Variants in OR3A2 observed in about 807,000 individuals in gnomAD.
The protein encoded by OR3A2 is olfactory receptor family 3 subfamily A member 2.
For synonymous variants in OR3A2, 126 were observed against 159.3 expected (o/e 0.79, Z 1.57); for missense variants, 318 against 392.8 (o/e 0.81, Z 1.61).
Position 3,306,694 on chromosome 17 carries a change from A to AAAAC in OR3A2, c.-84-27542_-84-27541insGTTT, listed in dbSNP as rs1429072041. Among the ~76,000 whole-genome samples the AAAAC allele has an allele frequency of 9.3e-5, 11 of 118,244 alleles. 1 individual carries two copies. The highest frequency in any genetic ancestry group is 5.3e-4 in the Admixed American group (6 of 11,266). 77.6% of individuals were successfully genotyped at this position (118,244 alleles called of 152,430 possible). A position where few individuals can be genotyped will look rare whatever the true frequency, so the allele number is the denominator to read the frequency against. On this transcript the variant is annotated intron_variant, in intron 3 of 4. Transcript: ENST00000573491. ...TACTACTCTTCAAAAAAAAAAAAAA[A>AAAAC]ACCGTAACCCCTTTTATTTTCTCCA...
At chr17:3,325,977 T>A (rs954389351) in intron 3 of OR3A2, among the ~76,000 whole-genome samples, 2 of 152,046 alleles carry the variant, frequency 1.3e-5, no homozygotes, top group Non-Finnish European at 2.9e-5. Flanking sequence ...TGTGTGTTGT[T>A]TCCCCGAATG....
At chr17:3,332,146 C>T (rs2049240980) in intron 3 of OR3A2, among the ~76,000 whole-genome samples, 1 of 152,230 alleles carries the variant, frequency 6.6e-6, no homozygotes, top group Admixed American at 6.5e-5. Context: ...TTTAAGTCTG[C>T]AGAGGTTACT....
intron 3 of OR3A2, among the ~76,000 whole-genome samples, chr17:3,304,873 T>C (rs1239739085): frequency 6.6e-6 from 1 of 152,180 alleles, no homozygotes; most frequent in East Asian, 1.9e-4. Flanking sequence ...ATAAAATCCA[T>C]TATGTTGAGT....
At position 3,326,792 on chromosome 17, in the gene OR3A2, G is replaced by C. The variant is rs577979671; in HGVS notation, c.-85+9241C>G. Among the ~76,000 whole-genome samples, 702 of 140,828 alleles carry C rather than the reference G, an allele frequency of 5.0e-3. 11 individuals carry two copies. Among genetic ancestry groups the C allele is most frequent in the South Asian group, 0.048 (201 of 4,218 alleles). 92.4% of individuals were successfully genotyped at this position (140,828 alleles called of 152,430 possible). ...TTGTTCAATTCCCACCTATGAGTGA[G>C]AATATGCAGTGTTTGGTTTTTTGTT... On this transcript the variant is annotated intron_variant, in intron 3 of 4. Coordinates refer to the OR3A2 transcript ENST00000573491.
chr17:3,360,894 G>A (rs1004535273), intron 2 of OR3A2, among the ~76,000 whole-genome samples: 2 of 151,584 alleles, frequency 1.3e-5, no homozygotes, highest in African/African-American at 2.4e-5. Context: ...TTAACTTGGC[G>A]ATCTGGGCTC....
chr17:3,375,638 AGCTAGTGTG>A (rs2049676975), intron 2 of OR3A2, among the ~76,000 whole-genome samples: 1 of 152,082 alleles, frequency 6.6e-6, no homozygotes, highest in African/African-American at 2.4e-5. Context: ...ATTGCTGGAA[AGCTAGTGTG>A]ATCTTTTGGG....
intron 2 of OR3A2, among the ~76,000 whole-genome samples, chr17:3,348,415 G>A (rs1263001777): frequency 6.6e-6 from 1 of 152,110 alleles, no homozygotes; most frequent in Admixed American, 6.6e-5. Context: ...CGATCAACTG[G>A]AAGAAAGGGT....
chr17:3,278,230 G>T (rs373734930), exon 2 of OR3A2: 1 of 1,614,202 alleles, frequency 6.2e-7, no homozygotes, highest in Non-Finnish European at 8.5e-7. Flanking sequence ...GAACGGATTC[G>T]TAGAACTGCA....
intron 3 of OR3A2, among the ~76,000 whole-genome samples, chr17:3,296,318 T>A (rs1344235766): frequency 6.6e-6 from 1 of 152,058 alleles, no homozygotes. Context: ...GCAGCACATT[T>A]TAAAAAATGG....
upstream of OR3A2, among the ~76,000 whole-genome samples, chr17:3,286,750 C>T (rs538290816): frequency 4.3e-3 from 659 of 151,966 alleles, 2 homozygotes; most frequent in African/African-American, 0.015. Flanking sequence ...TCATATCCTT[C>T]GCTCACTTTT....
downstream of OR3A2, among the ~76,000 whole-genome samples, chr17:3,276,371 T>C (rs1162366512): frequency 6.6e-6 from 1 of 152,152 alleles, no homozygotes; most frequent in Non-Finnish European, 1.5e-5. Flanking sequence ...ATATCATATA[T>C]ACAGGAAATC....
At chr17:3,342,521 C>T (rs930670349) in intron 2 of OR3A2, among the ~76,000 whole-genome samples, 1 of 152,192 alleles carries the variant, frequency 6.6e-6, no homozygotes, top group Admixed American at 6.5e-5. Flanking sequence ...TGTCAGGTCC[C>T]TCAGCTGCAG....
At chr17:3,300,671 T>A (rs12953256) in intron 3 of OR3A2, among the ~76,000 whole-genome samples, 71,238 of 151,976 alleles carry the variant, frequency 0.47, 18,155 homozygotes, top group East Asian at 0.96. Context: ...GATGAAAATA[T>A]TGAGCAACAA....
chr17:3,332,579 C>A (rs554143104), intron 3 of OR3A2, among the ~76,000 whole-genome samples: 2 of 152,352 alleles, frequency 1.3e-5, no homozygotes, highest in East Asian at 3.9e-4. Context: ...TGTGCACACC[C>A]ACTGACCTGC....
intron 2 of OR3A2, among the ~76,000 whole-genome samples, chr17:3,372,847 A>AGGAGAG (rs762420106): frequency 0.019 from 1,196 of 63,832 alleles, 17 homozygotes; most frequent in South Asian, 0.032. Flanking sequence ...GAGAAGGAGA[A>AGGAGAG]GGAGAGGGAG....
chr17:3,333,035 T>G (rs1298745357), intron 3 of OR3A2, among the ~76,000 whole-genome samples: 2 of 152,178 alleles, frequency 1.3e-5, no homozygotes, highest in African/African-American at 4.8e-5. Flanking sequence ...TAGAGCCATA[T>G]TTTTCTTCTT....
chr17:3,330,493 G>C (rs1319401745), intron 3 of OR3A2, among the ~76,000 whole-genome samples: 2 of 151,946 alleles, frequency 1.3e-5, no homozygotes, highest in Non-Finnish European at 2.9e-5. Context: ...TTTTGATTTT[G>C]TTGGTTTAAA....
chr17:3,310,460 G>A (rs745705012), intron 3 of OR3A2: 25 of 535,432 alleles, frequency 4.7e-5, no homozygotes, highest in East Asian at 3.8e-4. Context: ...GCATCCTGGC[G>A]GCCATCCTTA....
intron 2 of OR3A2, among the ~76,000 whole-genome samples, chr17:3,371,851 A>C (rs2049628965): frequency 1.6e-5 from 2 of 121,948 alleles, no homozygotes; most frequent in South Asian, 3.0e-4. Context: ...TCCCGCCCGG[A>C]CGGGGCGGCT....
Sources: gnomAD v4.1 joint callset for allele counts (sites outside exome capture counted in the v4.1 genomes callset) on GRCh38, gnomAD v4.1.1 for gene constraint, MANE v1.5 for transcripts, NCBI Gene and HGNC (gene_info 2026-07-23, HGNC 2026-07-21) for gene names.